KIAA1549L: variants seen among roughly 807,000 people sequenced by gnomAD.
KIAA1549L encodes KIAA1549 like, also known as UPF0606 protein KIAA1549L.
KIAA1549L carries 88 observed loss-of-function variants against 160.7 expected under a neutral mutation model. The observed-to-expected ratio is 0.55, with a 90% CI of 0.46 to 0.65. The LOEUF (loss-of-function observed/expected upper bound fraction) is 0.65, where lower values mean the gene tolerates loss of function less well. Among genes scored for constraint, KIAA1549L ranks in the 30% least tolerant of loss-of-function variants. The pLI is 0.00. For missense variants in KIAA1549L, 2,258 were observed against 2,437.5 expected (o/e 0.93, Z 1.55); for synonymous variants, 950 against 976.7 (o/e 0.97, Z 0.51).
chr11:33,432,021 C>T (rs909827391), intron 1 of KIAA1549L, among the ~76,000 whole-genome samples: 1 of 152,252 alleles, frequency 6.6e-6, no homozygotes, highest in Non-Finnish European at 1.5e-5. Context: ...GCCGGCATGG[C>T]AGGCCGGCTG....
At chr11:33,416,812 G>A (rs1010555296) in intron 1 of KIAA1549L, among the ~76,000 whole-genome samples, 1 of 152,192 alleles carries the variant, frequency 6.6e-6, no homozygotes, top group Non-Finnish European at 1.5e-5. Context: ...CCTATGGCTG[G>A]TAGGACTCCG....
intron 1 of KIAA1549L, among the ~76,000 whole-genome samples, chr11:33,496,041 C>A (rs1852810810): frequency 6.6e-6 from 1 of 152,218 alleles, no homozygotes; most frequent in Admixed American, 6.5e-5. Flanking sequence ...CTGCTCACTG[C>A]AACCTCTGCC....
intron 1 of KIAA1549L, among the ~76,000 whole-genome samples, chr11:33,427,241 G>GA (rs143062914): frequency 0.031 from 4,599 of 146,468 alleles, 240 homozygotes; most frequent in African/African-American, 0.11. Flanking sequence ...CATCTCCCAA[G>GA]AAAAAACAGG....
At chr11:33,501,324 G>A (rs1852943265) in intron 1 of KIAA1549L, among the ~76,000 whole-genome samples, 1 of 152,152 alleles carries the variant, frequency 6.6e-6, no homozygotes, top group African/African-American at 2.4e-5. Context: ...CTTTCTTGCT[G>A]GTGCTGTCAA....
intron 1 of KIAA1549L, among the ~76,000 whole-genome samples, chr11:33,429,932 A>G (rs1851196175): frequency 6.6e-6 from 1 of 151,708 alleles, no homozygotes; most frequent in South Asian, 2.1e-4. Flanking sequence ...ACCCCTCACC[A>G]TCTCTTCTGT....
intron 1 of KIAA1549L, among the ~76,000 whole-genome samples, chr11:33,439,044 A>AACCTC (rs1275231177): frequency 6.6e-6 from 1 of 151,974 alleles, no homozygotes. Context: ...CTCCTGCCTC[A>AACCTC]ACCTCCTGAG....
At position 33,618,665 on chromosome 11, in the gene KIAA1549L, G is replaced by T; in HGVS notation, c.5409+3G>T. The T allele has an allele frequency of 6.3e-7, 1 of 1,578,770 alleles. No homozygotes were observed. The highest frequency in any genetic ancestry group is 8.6e-7 in the Non-Finnish European group (1 of 1,159,836). On this transcript the variant is annotated splice_donor_region_variant and intron_variant, in intron 16 of 20. Coordinates refer to ENST00000658780, the MANE Select transcript of KIAA1549L (RefSeq NM_012194.3). ...GAATCCGCAACAGCGGATACGATGT[G>T]AGTCTCTGGTGGGCTGGGTAAATAC...
intron 1 of KIAA1549L, among the ~76,000 whole-genome samples, chr11:33,414,464 T>G (rs1164274875): frequency 6.6e-6 from 1 of 152,212 alleles, no homozygotes; most frequent in Non-Finnish European, 1.5e-5. Flanking sequence ...GTGATGGATG[T>G]CTTTCATATA....
At chr11:33,449,608 G>A (rs1219328524) in intron 1 of KIAA1549L, among the ~76,000 whole-genome samples, 1 of 152,166 alleles carries the variant, frequency 6.6e-6, no homozygotes, top group Non-Finnish European at 1.5e-5. Context: ...GCTGGTACAT[G>A]TCTGCCAATG....
chr11:33,548,027 T>G, intron 4 of KIAA1549L, 148 bp downstream of exon 4: 1 of 604,630 alleles, frequency 1.7e-6, no homozygotes. Context: ...CTAGCTAATG[T>G]GTAGTGGCTT....
chr11:33,437,971 A>G (rs1206896996), intron 1 of KIAA1549L, among the ~76,000 whole-genome samples: 2 of 152,222 alleles, frequency 1.3e-5, no homozygotes, highest in Non-Finnish European at 1.5e-5. Flanking sequence ...TGGTTGTCCC[A>G]CTACCACCTG....
intron 1 of KIAA1549L, among the ~76,000 whole-genome samples, chr11:33,388,145 GA>G (rs2134043021): frequency 6.6e-6 from 1 of 152,302 alleles, no homozygotes; most frequent in East Asian, 1.9e-4. Context: ...GCCCGAGACT[GA>G]GTAATTTAGA....
chr11:33,522,912 A>T (rs1406059818), intron 1 of KIAA1549L, among the ~76,000 whole-genome samples: 2 of 151,684 alleles, frequency 1.3e-5, no homozygotes, highest in African/African-American at 2.4e-5. Context: ...AAAAAAAAAA[A>T]ATATGGTCTT....
chr11:33,628,440 C>T lies in KIAA1549L; in HGVS notation c.5409+9778C>T, dbSNP rs1193556656. On this transcript the variant is annotated intron_variant, in intron 16 of 20. Coordinates refer to ENST00000658780, the MANE Select transcript of KIAA1549L (RefSeq NM_012194.3). ...AGTCTAAGTCTCTTTGTAGGTCACT[C>T]AGGACTTGCTTTATGAATCTGGGTG... 2.0e-5 allele frequency among the ~76,000 whole-genome samples: 3 copies of T among 151,144 alleles called. No individual in the cohort carries two copies. In the South Asian group the frequency reaches 6.3e-4, roughly 32 times the overall value.
intron 1 of KIAA1549L, among the ~76,000 whole-genome samples, chr11:33,529,486 A>G (rs1045629329): frequency 7.2e-5 from 11 of 152,232 alleles, no homozygotes; most frequent in African/African-American, 2.7e-4. Flanking sequence ...CTCTTAAAGG[A>G]TGAATGCCTT....
Position 33,397,988 on chromosome 11 carries a change from A to G in KIAA1549L, c.238+21099A>G, listed in dbSNP as rs549627358. Among the ~76,000 whole-genome samples the G allele has an allele frequency of 7.9e-4, 116 of 147,614 alleles. 1 individual carries two copies. Among genetic ancestry groups the G allele is most frequent in the African/African-American group, 2.8e-3 (112 of 39,736 alleles). On this transcript the variant is annotated intron_variant, in intron 1 of 20. Transcript: ENST00000658780. ...GCCTAGGCTGGAGTGCAGTGGCACA[A>G]TCTCGGCTCACTGCAGCCTCACCTC...
intron 10 of KIAA1549L, among the ~76,000 whole-genome samples, chr11:33,580,587 A>AAAAAAAAAAAAAAAAG (rs1554994225): frequency 8.6e-5 from 11 of 127,532 alleles, no homozygotes; most frequent in African/African-American, 2.7e-4. Flanking sequence ...AAAAAAAAAA[A>AAAAAAAAAAAAAAAAG]AAAAGAAAAG....
intron 1 of KIAA1549L, among the ~76,000 whole-genome samples, chr11:33,387,441 G>T (rs2134041928): frequency 6.6e-6 from 1 of 152,220 alleles, no homozygotes; most frequent in South Asian, 2.1e-4. Flanking sequence ...AAGTAGCTGG[G>T]ACTACAGGCA....
chr11:33,646,924 T>A (rs769705017), intron 17 of KIAA1549L, among the ~76,000 whole-genome samples: 7 of 151,312 alleles, frequency 4.6e-5, no homozygotes, highest in Non-Finnish European at 8.8e-5. Flanking sequence ...AAAAAAAAAA[T>A]CTGTTATTTA....
Sources: allele counts gnomAD v4.1 joint callset (sites outside exome capture counted in the v4.1 genomes callset), GRCh38; gene constraint gnomAD v4.1.1; transcripts MANE v1.5; gene names NCBI Gene and HGNC (gene_info 2026-07-23, HGNC 2026-07-21).